The following PDE4D variants were observed in gnomAD, a reference collection of about 807,000 sequenced individuals.
PDE4D encodes 3',5'-cyclic-AMP phosphodiesterase 4D.
In PDE4D, 24 loss-of-function variants were observed where a neutral mutation model predicts 87.4. The observed-to-expected ratio is 0.27, with a 90% CI of 0.20 to 0.39. The LOEUF is 0.39. Ranked by LOEUF, PDE4D falls within the 10% of genes least tolerant of loss-of-function variation. The probability of loss-of-function intolerance (pLI) is 1.00; values close to 1 mark genes in which losing one functional copy is unlikely to be tolerated. For missense variants in PDE4D, 714 were observed against 1,041.0 expected (o/e 0.69, Z 4.32); for synonymous variants, 384 against 383.2 (o/e 1.00, Z -0.02).
At chr5:59,866,327 G>T (rs1747033666) in intron 1 of PDE4D, among the ~76,000 whole-genome samples, 1 of 152,042 alleles carries the variant, frequency 6.6e-6, no homozygotes, top group Non-Finnish European at 1.5e-5. Context: ...ATTAAAACCA[G>T]AAGATCACAT....
intron 1 of PDE4D, among the ~76,000 whole-genome samples, chr5:60,341,002 C>T (rs1758266738): frequency 6.6e-6 from 1 of 152,150 alleles, no homozygotes; most frequent in Admixed American, 6.5e-5. Context: ...ACAACAAGTA[C>T]ACCATAAAGA....
chr5:59,395,003 C>G (rs1019882734), intron 1 of PDE4D, among the ~76,000 whole-genome samples: 1 of 152,132 alleles, frequency 6.6e-6, no homozygotes, highest in Admixed American at 6.5e-5. Context: ...CACTCCCACC[C>G]GAATACTGCG....
At chr5:59,042,978 G>A (rs550955867) in intron 5 of PDE4D, among the ~76,000 whole-genome samples, 28 of 152,270 alleles carry the variant, frequency 1.8e-4, no homozygotes, top group African/African-American at 6.0e-4. Flanking sequence ...TTTGTGAAAT[G>A]TTCAGTCCAT....
intron 5 of PDE4D, among the ~76,000 whole-genome samples, chr5:59,143,541 T>C (rs938080697): frequency 6.6e-6 from 1 of 152,196 alleles, no homozygotes; most frequent in Non-Finnish European, 1.5e-5. Context: ...TCTGCAAGCA[T>C]AGCAGTGAAG....
intron 1 of PDE4D, among the ~76,000 whole-genome samples, chr5:59,468,583 A>G (rs1353783252): frequency 6.6e-6 from 1 of 152,226 alleles, no homozygotes; most frequent in Non-Finnish European, 1.5e-5. Flanking sequence ...CCAAGGAATG[A>G]CTGTAGAAGT....
chr5:60,033,589 T>C (rs1356724119), intron 2 of PDE4D, among the ~76,000 whole-genome samples: 2 of 152,344 alleles, frequency 1.3e-5, no homozygotes, highest in East Asian at 1.9e-4. Flanking sequence ...TCTCCATTAA[T>C]TGTAAATATT....
intron 1 of PDE4D, among the ~76,000 whole-genome samples, chr5:59,370,673 A>T (rs1370113623): frequency 6.6e-6 from 1 of 152,134 alleles, no homozygotes; most frequent in African/African-American, 2.4e-5. Context: ...TATCCTCCCC[A>T]CAAAAAATTA....
intron 2 of PDE4D, among the ~76,000 whole-genome samples, chr5:60,053,622 T>A (rs1770452380): frequency 2.0e-5 from 3 of 152,176 alleles, no homozygotes; most frequent in Admixed American, 2.0e-4. Context: ...ATTATGGACA[T>A]AGGCCTGGCC....
At chr5:59,828,048 G>A (rs192902139) in intron 1 of PDE4D, among the ~76,000 whole-genome samples, 55 of 151,810 alleles carry the variant, frequency 3.6e-4, no homozygotes, top group Admixed American at 2.3e-3. Context: ...GCAGAGGGTC[G>A]GTGGAGAGAA....
chr5:59,260,495 A>G (rs1761801273), intron 1 of PDE4D, among the ~76,000 whole-genome samples: 1 of 151,878 alleles, frequency 6.6e-6, no homozygotes. Flanking sequence ...AAATGGCATG[A>G]ATTACGAAAG....
chr5:59,251,988 AAAG>A (rs1760053553), intron 1 of PDE4D, among the ~76,000 whole-genome samples: 1 of 152,144 alleles, frequency 6.6e-6, no homozygotes, highest in Admixed American at 6.6e-5. Flanking sequence ...TCAGGCACAC[AAAG>A]AAGGAAACAA....
At chr5:59,812,832 C>T (rs1425402508) in intron 1 of PDE4D, among the ~76,000 whole-genome samples, 1 of 152,208 alleles carries the variant, frequency 6.6e-6, no homozygotes, top group Non-Finnish European at 1.5e-5. Context: ...TTATTAGCAG[C>T]TCAAACAGCT....
rs551592319 is a variant in PDE4D at position 60,304,911 on chromosome 5, A to T, written c.-89-119224T>A. Among the ~76,000 whole-genome samples the T allele has an allele frequency of 1.2e-4, 19 of 152,070 alleles. No individual in the cohort carries two copies. The East Asian group carries it at 3.7e-3, about 29-fold the overall frequency. On this transcript the variant is annotated intron_variant, in intron 1 of 16. Transcript: ENST00000502484. ...GTAAACTGGATATTAAGTTTTCAACACCATTGTAATAGAAAAAGAGCTGGA... is the reference window on the plus strand; with the variant it reads ...GTAAACTGGATATTAAGTTTTCAACTCCATTGTAATAGAAAAAGAGCTGGA...
At chr5:59,848,869 A>G (rs1276875720) in intron 1 of PDE4D, among the ~76,000 whole-genome samples, 1 of 152,022 alleles carries the variant, frequency 6.6e-6, no homozygotes, top group Non-Finnish European at 1.5e-5. Context: ...AATTCTCCAT[A>G]AAATTTGAGA....
intron 1 of PDE4D, among the ~76,000 whole-genome samples, chr5:60,428,693 G>T (rs562798300): frequency 6.6e-6 from 1 of 152,168 alleles, no homozygotes; most frequent in African/African-American, 2.4e-5. Flanking sequence ...TTTTCATAAT[G>T]TAGGTATCCT....
intron 5 of PDE4D, among the ~76,000 whole-genome samples, chr5:59,143,138 C>T (rs1271434827): frequency 1.3e-5 from 2 of 149,332 alleles, no homozygotes; most frequent in Non-Finnish European, 3.0e-5. Context: ...TACTTCCTGC[C>T]TCCATCCCTT....
At chr5:60,146,253 G>GT (rs1409115046) in intron 2 of PDE4D, among the ~76,000 whole-genome samples, 1 of 152,154 alleles carries the variant, frequency 6.6e-6, no homozygotes, top group African/African-American at 2.4e-5. Context: ...GAGGAATTAT[G>GT]TTTATTGCTC....
At chr5:59,018,630 T>G (rs540484404) in intron 6 of PDE4D, among the ~76,000 whole-genome samples, 33 of 152,324 alleles carry the variant, frequency 2.2e-4, no homozygotes, top group African/African-American at 6.7e-4. Flanking sequence ...TGTATATGAA[T>G]GGAACATATG....
In PDE4D at chr5:60,375,112, G is replaced by A. The variant is rs112342130; in HGVS notation, c.-90+112830C>T. ...TCTGGAATCAGCTTCTTTAATCAGAGTCTTGTTCTTTCTACTTCTAAACTT... is the reference window on the plus strand; with the variant it reads ...TCTGGAATCAGCTTCTTTAATCAGAATCTTGTTCTTTCTACTTCTAAACTT... On this transcript the variant is annotated intron_variant, in intron 1 of 16. Coordinates refer to the PDE4D transcript ENST00000502484. 1.4e-3 allele frequency among the ~76,000 whole-genome samples: 217 copies of A among 152,216 alleles called. 1 individual carries two copies. The highest frequency in any genetic ancestry group is 2.6e-3 in the Non-Finnish European group (174 of 68,014).
Sources: gnomAD v4.1 joint callset for allele counts (sites outside exome capture counted in the v4.1 genomes callset) on GRCh38, gnomAD v4.1.1 for gene constraint, MANE v1.5 for transcripts, NCBI Gene and HGNC (gene_info 2026-07-23, HGNC 2026-07-21) for gene names.